TRPC5: variants seen among roughly 807,000 people sequenced by gnomAD.
TRPC5 encodes short transient receptor potential channel 5.
In TRPC5, 9 loss-of-function variants were observed where a neutral mutation model predicts 56.5. That is an observed-to-expected ratio of 0.16 (90% confidence interval 0.10 to 0.28). The LOEUF (loss-of-function observed/expected upper bound fraction) is 0.28. Among genes scored for constraint, TRPC5 ranks in the 10% least tolerant of loss-of-function variants. TRPC5 has a pLI of 1.00. For missense variants in TRPC5, 469 were observed against 748.9 expected (o/e 0.63, Z 4.36); for synonymous variants, 282 against 278.5 (o/e 1.01, Z -0.13).
rs756538700 is a variant in TRPC5, at chrX:111,810,774, T to C, written c.1896+24147A>G. Among the ~76,000 whole-genome samples, 6 of 111,951 alleles carry C rather than the reference T, an allele frequency of 5.4e-5. No homozygotes were observed. The South Asian group carries it at 2.2e-3, about 41-fold the overall frequency. On this transcript the variant is annotated intron_variant, in intron 7 of 10. Coordinates refer to ENST00000262839, the MANE Select transcript of TRPC5 (RefSeq NM_012471.3). ...GGCATTTTTAATAAAAGTGTAATTT[T>C]ATCTCTAATAATTGTTTATCAAAAT...
chrX:112,003,479 A>T (rs1388749277), intron 1 of TRPC5, among the ~76,000 whole-genome samples: 2 of 110,836 alleles, frequency 1.8e-5, no homozygotes, highest in Admixed American at 1.9e-4. Context: ...CAGAGCAAGG[A>T]AGTGATAGGA....
At chrX:111,778,886 TA>T in intron 10 of TRPC5, 98 bp downstream of exon 10, 2 of 559,488 alleles carry the variant, frequency 3.6e-6, no homozygotes, top group Non-Finnish European at 5.7e-6. Context: ...TGCTATATTG[TA>T]AGCAGATGAA....
chrX:111,901,859 G>A (rs1373835557), intron 3 of TRPC5: 1 of 1,133,747 alleles, frequency 8.8e-7, no homozygotes, highest in Non-Finnish European at 1.2e-6. Context: ...CATGGATTCT[G>A]TGTTAATTCA....
intron 6 of TRPC5, among the ~76,000 whole-genome samples, chrX:111,845,153 G>A (rs868545309): frequency 1.5e-4 from 17 of 111,198 alleles, no homozygotes; most frequent in African/African-American, 4.6e-4. Context: ...CACAAGAATC[G>A]CTTGAACCTG....
chrX:111,816,023 A>C (rs1452112203), intron 7 of TRPC5, among the ~76,000 whole-genome samples: 1 of 111,634 alleles, frequency 9.0e-6, no homozygotes, highest in Non-Finnish European at 1.9e-5. Context: ...TAATGTGTGC[A>C]CAATACAACC....
chrX:111,940,254 A>T (rs1427303820), intron 2 of TRPC5, among the ~76,000 whole-genome samples: 1 of 111,177 alleles, frequency 9.0e-6, no homozygotes, highest in Admixed American at 9.6e-5. Flanking sequence ...GGTTTATTCC[A>T]TTGTGGTTCG....
intron 1 of TRPC5, among the ~76,000 whole-genome samples, chrX:111,978,034 G>A (rs1005449686): frequency 2.1e-4 from 23 of 111,347 alleles, no homozygotes; most frequent in African/African-American, 6.8e-4. Context: ...AATTAGTGCA[G>A]CCATTATGGA....
At chrX:111,972,912 T>C (rs1927822937) in intron 1 of TRPC5, among the ~76,000 whole-genome samples, 1 of 111,941 alleles carries the variant, frequency 8.9e-6, no homozygotes, top group Non-Finnish European at 1.9e-5. Flanking sequence ...GCATGGCTAC[T>C]GTTGTAAAGA....
chrX:112,052,676 G>T (rs968124748), intron 1 of TRPC5, among the ~76,000 whole-genome samples: 4 of 111,416 alleles, frequency 3.6e-5, no homozygotes, highest in Non-Finnish European at 7.5e-5. Flanking sequence ...TGTGCTTTTG[G>T]TGTCATATCC....
chrX:111,813,476 A>G (rs903053317), intron 7 of TRPC5, among the ~76,000 whole-genome samples: 2 of 112,401 alleles, frequency 1.8e-5, no homozygotes, highest in Non-Finnish European at 3.8e-5. Context: ...TGCCTGTTCA[A>G]TTTTACATTT....
At chrX:111,790,041 C>G (rs983298646) in intron 7 of TRPC5, among the ~76,000 whole-genome samples, 3 of 111,848 alleles carry the variant, frequency 2.7e-5, no homozygotes, top group Non-Finnish European at 3.8e-5. Context: ...CAATTTGATT[C>G]AGCAATCCCA....
chrX:111,885,262 A>T (rs1166728135), intron 3 of TRPC5, among the ~76,000 whole-genome samples: 1 of 112,543 alleles, frequency 8.9e-6, no homozygotes, highest in Non-Finnish European at 1.9e-5. Flanking sequence ...GGGCCTGTTT[A>T]AGGCCTATTT....
intron 1 of TRPC5, among the ~76,000 whole-genome samples, chrX:112,018,832 A>G (rs905357474): frequency 3.6e-5 from 4 of 111,837 alleles, no homozygotes; most frequent in Non-Finnish European, 7.5e-5. Flanking sequence ...GCCTCTTCTC[A>G]TTTCATTCGA....
At chrX:111,993,269 T>C (rs775800339) in intron 1 of TRPC5, among the ~76,000 whole-genome samples, 2 of 111,825 alleles carry the variant, frequency 1.8e-5, no homozygotes, top group South Asian at 3.8e-4. Context: ...CCATGGTGTA[T>C]ATGTGCCACA....
chrX:111,943,995 GC>G (rs1242299456), intron 2 of TRPC5, among the ~76,000 whole-genome samples: 1 of 111,943 alleles, frequency 8.9e-6, no homozygotes, highest in African/African-American at 3.2e-5. Flanking sequence ...ATTTTTCAAA[GC>G]TTTTTTTCAA....
chrX:112,015,817 G>A (rs1929106817), intron 1 of TRPC5, among the ~76,000 whole-genome samples: 1 of 111,726 alleles, frequency 9.0e-6, no homozygotes, highest in African/African-American at 3.3e-5. Flanking sequence ...GTTCTCCTGG[G>A]TAATAGGAGG....
chrX:111,915,465 T>G (rs989171774), intron 2 of TRPC5, among the ~76,000 whole-genome samples: 107 of 111,377 alleles, frequency 9.6e-4, no homozygotes, highest in African/African-American at 3.4e-3. Context: ...GTGGATCCCC[T>G]GTGTGGAATG....
chrX:111,798,104 A>G (rs1461792329), intron 7 of TRPC5, among the ~76,000 whole-genome samples: 1 of 112,043 alleles, frequency 8.9e-6, no homozygotes, highest in East Asian at 2.8e-4. Flanking sequence ...AGTCTATTAT[A>G]TTATTTACTA....
In TRPC5 at chrX:111,796,126, A is replaced by G. The variant is rs781628832; in HGVS notation, c.1897-13988T>C. Reference sequence around the variant, plus strand: ...TCTGTAGTGACTTTTTCATTCTGTTATTGTGCTTTTCAAATCCAGAATTTC... The same window carrying G: ...TCTGTAGTGACTTTTTCATTCTGTTGTTGTGCTTTTCAAATCCAGAATTTC... On this transcript the variant is annotated intron_variant, in intron 7 of 10. Coordinates refer to ENST00000262839, the MANE Select transcript of TRPC5 (RefSeq NM_012471.3). Among the ~76,000 whole-genome samples, 406 of 111,765 alleles carry G rather than the reference A, an allele frequency of 3.6e-3. 14 individuals carry two copies. The highest frequency in any genetic ancestry group is 0.016 in the South Asian group (43 of 2,680).
Sources: allele counts gnomAD v4.1 joint callset (sites outside exome capture counted in the v4.1 genomes callset), GRCh38; gene constraint gnomAD v4.1.1; transcripts MANE v1.5; gene names NCBI Gene and HGNC (gene_info 2026-07-23, HGNC 2026-07-21).